The following SCML2 variants were observed in gnomAD, a reference collection of about 807,000 sequenced individuals.
The protein encoded by SCML2 is sex comb on midleg-like protein 2.
A neutral mutation model predicts 48.4 loss-of-function variants in SCML2; 6 were observed. The ratio of observed to expected loss-of-function variants is 0.12; its 90% CI spans 0.07 to 0.24. The LOEUF is 0.24. SCML2 is among the 10% of genes least tolerant of loss of function. SCML2 has a pLI of 1.00. For missense variants in SCML2, 377 were observed against 528.2 expected (o/e 0.71, Z 2.81); for synonymous variants, 181 against 189.5 (o/e 0.95, Z 0.37).
intron 4 of SCML2, 144 bp from the exon 5 acceptor site, chrX:18,324,237 G>A (rs1423227410): frequency 2.2e-6 from 1 of 445,086 alleles, no homozygotes; most frequent in African/African-American, 2.4e-5. Flanking sequence ...AAGAGTCAAG[G>A]AAAAGATCTT....
intron 7 of SCML2, among the ~76,000 whole-genome samples, chrX:18,283,272 T>C (rs1023412504): frequency 5.4e-5 from 6 of 111,607 alleles, no homozygotes; most frequent in African/African-American, 1.3e-4. Context: ...AAACCCTCAA[T>C]AGACTGGGCA....
chrX:18,254,634 G>A (rs962190988), intron 11 of SCML2, among the ~76,000 whole-genome samples: 1 of 111,989 alleles, frequency 8.9e-6, no homozygotes, highest in African/African-American at 3.2e-5. Flanking sequence ...TAAGAAATCA[G>A]GAAATTGGGC....
At chrX:18,354,031 AG>A (rs2147580417) in intron 1 of SCML2, among the ~76,000 whole-genome samples, 1 of 111,874 alleles carries the variant, frequency 8.9e-6, no homozygotes, top group South Asian at 3.7e-4. Flanking sequence ...CTGCACCGCT[AG>A]GGTGAGCCAC....
chrX:18,298,333 G>A (rs1801303066), intron 7 of SCML2, among the ~76,000 whole-genome samples: 1 of 111,426 alleles, frequency 9.0e-6, no homozygotes, highest in South Asian at 3.7e-4. Context: ...AAAAAAAAGA[G>A]AGCAGTATCA....
intron 11 of SCML2, 83 bp downstream of exon 11, chrX:18,256,765 T>C: frequency 1.3e-6 from 1 of 783,314 alleles, no homozygotes; most frequent in African/African-American, 2.1e-5. Context: ...CTAAAATGTT[T>C]ACTTTGAGGA....
chrX:18,285,981 T>C (rs1928039020), intron 7 of SCML2, among the ~76,000 whole-genome samples: 1 of 111,923 alleles, frequency 8.9e-6, no homozygotes, highest in African/African-American at 3.2e-5. Flanking sequence ...ATACAACATA[T>C]GCTTTTTAAA....
At chrX:18,294,521 G>A (rs767682687) in intron 7 of SCML2, among the ~76,000 whole-genome samples, 12 of 110,911 alleles carry the variant, frequency 1.1e-4, no homozygotes, top group Non-Finnish European at 1.7e-4. Flanking sequence ...GCTCTAGAAA[G>A]TGAGCCCACG....
chrX:18,346,909 A>G (rs1189386617), intron 1 of SCML2, among the ~76,000 whole-genome samples: 1 of 111,742 alleles, frequency 8.9e-6, no homozygotes, highest in African/African-American at 3.2e-5. Context: ...GGTAATAGTG[A>G]TTATCCTAAT....
At chrX:18,242,960 T>C (rs777754942) in intron 13 of SCML2, among the ~76,000 whole-genome samples, 1 of 112,746 alleles carries the variant, frequency 8.9e-6, no homozygotes, top group Non-Finnish European at 1.9e-5. Flanking sequence ...TTTAAGTCTT[T>C]CAAGGAATTT....
rs761372156 is a variant in SCML2, at chrX:18,276,463, T to C, written c.731-10661A>G. Among the ~76,000 whole-genome samples the C allele has an allele frequency of 4.3e-3, 481 of 111,369 alleles. 3 individuals are homozygous for C. Among genetic ancestry groups the C allele is most frequent in the African/African-American group, 0.015 (459 of 30,671 alleles). On this transcript the variant is annotated intron_variant, in intron 7 of 14. Transcript: ENST00000251900. ...TATGGTAGTAGTGCTGCTATGAACA[T>C]GGGTGTGTATGTATGTATTGACATA...
At chrX:18,353,483 G>A (rs1242271829) in intron 1 of SCML2, among the ~76,000 whole-genome samples, 2 of 111,958 alleles carry the variant, frequency 1.8e-5, no homozygotes, top group Non-Finnish European at 3.8e-5. Flanking sequence ...ATGATCATAA[G>A]CAACTTATTC....
In SCML2 at chrX:18,239,796, C is replaced by G. The variant is rs1336575051; in HGVS notation, c.*1455G>C. On this transcript the variant is annotated 3_prime_UTR_variant, in exon 15 of 15. Coordinates refer to ENST00000251900, the MANE Select transcript of SCML2 (RefSeq NM_006089.3). ...CCGAGGTGGGCGGATCACCTGAGGT[C>G]AGGAGTTTGAGACCAGCCTGACCAA... The G allele has an allele frequency of 9.0e-6, 1 of 111,563 alleles. No individual in the cohort carries two copies. The highest frequency in any genetic ancestry group is 3.3e-5 in the African/African-American group (1 of 30,548). 9.2% of individuals were successfully genotyped at this position (111,563 alleles called of 1,213,427 possible).
intron 8 of SCML2, among the ~76,000 whole-genome samples, chrX:18,263,608 ACAAT>A (rs1777378456): frequency 8.9e-6 from 1 of 111,931 alleles, no homozygotes; most frequent in African/African-American, 3.2e-5. Context: ...GATTTCCTTC[ACAAT>A]AGCAACAAGA....
At chrX:18,310,653 T>A (rs186404726) in intron 6 of SCML2, among the ~76,000 whole-genome samples, 180 of 110,428 alleles carry the variant, frequency 1.6e-3, no homozygotes, top group African/African-American at 5.8e-3. Flanking sequence ...CCTCACTATG[T>A]TGCCCAGGCT....
chrX:18,245,276 C>T (rs1926401127), intron 13 of SCML2, among the ~76,000 whole-genome samples: 1 of 111,888 alleles, frequency 8.9e-6, no homozygotes, highest in Non-Finnish European at 1.9e-5. Context: ...AGAAGCTAGC[C>T]GTCTGATGCC....
In SCML2 at chrX:18,260,273, T is replaced by C. The variant is rs202084900; in HGVS notation, c.967A>G (p.Ile323Val). The C allele has an allele frequency of 3.3e-6, 4 of 1,196,887 alleles. No homozygotes were observed. The East Asian group carries it at 8.9e-5, about 27-fold the overall frequency. The change falls in exon 9 of 15, where the codon ATA becomes GTA. Residue 323 changes from isoleucine to valine, a missense_variant. Physicochemically the swap from Ile to Val is conservative, Grantham distance 29. This residue lies in a region of SCML2 where 299 missense variants were observed against 425.5 expected (regional missense o/e 0.70). Coordinates refer to ENST00000251900, the MANE Select transcript of SCML2 (RefSeq NM_006089.3). ...SGKKEKPLPV[I>V]CSTSAASLKS... ...AGAGAAGCTGCAGATGTAGAACATA[T>C]CACGGGCAAAGGTTTTTCCTGTTAA...
intron 11 of SCML2, among the ~76,000 whole-genome samples, chrX:18,255,306 G>C (rs972109312): frequency 1.8e-5 from 2 of 112,012 alleles, no homozygotes; most frequent in Non-Finnish European, 3.8e-5. Flanking sequence ...GAACTAGAGA[G>C]GCTCAGTACT....
At chrX:18,291,802 TG>T (rs1186257567) in intron 7 of SCML2, among the ~76,000 whole-genome samples, 1 of 111,862 alleles carries the variant, frequency 8.9e-6, no homozygotes, top group Non-Finnish European at 1.9e-5. Flanking sequence ...TTTTAATTTA[TG>T]GAATTCAATT....
At chrX:18,264,132 T>G (rs757041470) in intron 8 of SCML2, among the ~76,000 whole-genome samples, 1 of 111,755 alleles carries the variant, frequency 8.9e-6, no homozygotes, top group South Asian at 3.7e-4. Context: ...CTGCTCCAGT[T>G]TCTCTTTCTT....
Sources: gnomAD v4.1 joint callset for allele counts (sites outside exome capture counted in the v4.1 genomes callset) on GRCh38, gnomAD v4.1.1 for gene constraint, gnomAD v4.1.1 regional missense constraint, MANE v1.5 for transcripts, NCBI Gene and HGNC (gene_info 2026-07-23, HGNC 2026-07-21) for gene names.